Variants in KCNIP4 observed in about 807,000 individuals in gnomAD.
The protein encoded by KCNIP4 is Kv channel-interacting protein 4.
KCNIP4 carries 12 observed loss-of-function variants against 34.0 expected under a neutral mutation model. That is an observed-to-expected ratio of 0.35 (90% CI 0.23 to 0.57). KCNIP4 has a LOEUF of 0.57. Among genes scored for constraint, KCNIP4 ranks in the 20% least tolerant of loss-of-function variants. The pLI, the probability that KCNIP4 is intolerant of heterozygous loss-of-function variation, is 0.83. For missense variants in KCNIP4, 238 were observed against 311.7 expected, an observed-to-expected ratio of 0.76 and a Z score of 1.78; for synonymous variants, 124 against 102.2, an observed-to-expected ratio of 1.21 and a Z score of -1.29.
chr4:21,688,597 G>A (rs564369383), intron 1 of KCNIP4, among the ~76,000 whole-genome samples: 12 of 152,188 alleles, frequency 7.9e-5, no homozygotes, highest in African/African-American at 2.6e-4. Flanking sequence ...AATGAAGCAG[G>A]GTTCCAAGGA....
chr4:21,272,491 A>G (rs1762212755), intron 1 of KCNIP4, among the ~76,000 whole-genome samples: 1 of 152,176 alleles, frequency 6.6e-6, no homozygotes, highest in South Asian at 2.1e-4. Flanking sequence ...ACGGATAAGG[A>G]AATTGGCAGC....
intron 2 of KCNIP4, among the ~76,000 whole-genome samples, chr4:20,866,954 AG>A (rs1392380513): frequency 6.6e-6 from 1 of 152,064 alleles, no homozygotes; most frequent in East Asian, 1.9e-4. Context: ...CTCACCCAGG[AG>A]GTGAAAGATC....
chr4:21,127,834 C>G (rs1750742330), intron 1 of KCNIP4, among the ~76,000 whole-genome samples: 1 of 152,204 alleles, frequency 6.6e-6, no homozygotes, highest in Non-Finnish European at 1.5e-5. Flanking sequence ...TAATCAATCA[C>G]TTTTTGCTAA....
chr4:21,630,066 G>A (rs1577719901), intron 1 of KCNIP4, among the ~76,000 whole-genome samples: 1 of 139,250 alleles, frequency 7.2e-6, no homozygotes, highest in South Asian at 2.3e-4. Flanking sequence ...GTCTAGCTAT[G>A]TTTCCCAGGC....
intron 1 of KCNIP4, among the ~76,000 whole-genome samples, chr4:21,935,170 A>G (rs1052943459): frequency 6.6e-6 from 1 of 151,878 alleles, no homozygotes; most frequent in Non-Finnish European, 1.5e-5. Flanking sequence ...GACCAACCAC[A>G]ATGCCCCAAG....
chr4:21,190,527 G>A (rs566671878), intron 1 of KCNIP4, among the ~76,000 whole-genome samples: 11 of 151,554 alleles, frequency 7.3e-5, no homozygotes, highest in Non-Finnish European at 1.5e-4. Flanking sequence ...ACTGAGGGTG[G>A]GAGGGCAACT....
At position 21,456,461 on chromosome 4, in the gene KCNIP4, A is replaced by G. The variant is rs1023997812; in HGVS notation, c.61+492110T>C. Among the ~76,000 whole-genome samples, 52 of 148,256 alleles carry G rather than the reference A, an allele frequency of 3.5e-4. 6 individuals carry two copies. Among genetic ancestry groups the G allele is most frequent in the African/African-American group, 1.3e-3 (51 of 38,218 alleles). On this transcript the variant is annotated intron_variant, in intron 1 of 8. Transcript: ENST00000382152. ...GGTCCAATTTTTATCATATCAATGT[A>G]CTACCCACCTATATATTTTCTTAAT...
intron 1 of KCNIP4, among the ~76,000 whole-genome samples, chr4:21,608,260 C>A (rs1014155536): frequency 6.6e-5 from 10 of 152,136 alleles, no homozygotes; most frequent in African/African-American, 2.2e-4. Flanking sequence ...ACTGCCACGT[C>A]TTTATTTAGA....
chr4:20,958,339 G>A (rs1321920374), intron 1 of KCNIP4, among the ~76,000 whole-genome samples: 1 of 152,166 alleles, frequency 6.6e-6, no homozygotes, highest in Non-Finnish European at 1.5e-5. Context: ...AAAATGGGGT[G>A]CTTTATGGAT....
chr4:20,883,805 A>ATG (rs946559454), intron 1 of KCNIP4, among the ~76,000 whole-genome samples: 3 of 152,268 alleles, frequency 2.0e-5, no homozygotes, highest in African/African-American at 7.2e-5. Flanking sequence ...GCTAAAACTC[A>ATG]TGTGTGTGTG....
At chr4:21,294,730 C>A (rs1475933813) in intron 1 of KCNIP4, among the ~76,000 whole-genome samples, 4 of 152,126 alleles carry the variant, frequency 2.6e-5, no homozygotes, top group African/African-American at 9.7e-5. Flanking sequence ...CCTTCCTGGG[C>A]CTCAATTTAC....
At chr4:21,917,635 TG>T (rs77593304) in intron 1 of KCNIP4, among the ~76,000 whole-genome samples, 37,737 of 152,108 alleles carry the variant, frequency 0.25, 5,545 homozygotes, top group East Asian at 0.61. Flanking sequence ...GTGACCTTGT[TG>T]TGTCATTCTA....
chr4:21,181,512 GCATC>G (rs544807545), intron 1 of KCNIP4, among the ~76,000 whole-genome samples: 2 of 151,986 alleles, frequency 1.3e-5, no homozygotes, highest in African/African-American at 4.8e-5. Context: ...ATACGTTCAT[GCATC>G]CATCCATCCA....
chr4:21,929,922 G>A (rs192675045), intron 1 of KCNIP4, among the ~76,000 whole-genome samples: 1 of 152,148 alleles, frequency 6.6e-6, no homozygotes, highest in Non-Finnish European at 1.5e-5. Flanking sequence ...CTCCCTACAT[G>A]TTCCATCTCT....
At chr4:21,879,018 T>C (rs557059976) in intron 1 of KCNIP4, among the ~76,000 whole-genome samples, 59 of 152,286 alleles carry the variant, frequency 3.9e-4, no homozygotes, top group Non-Finnish European at 6.8e-4. Context: ...TAAAATATTG[T>C]TTTGTATCCT....
At chr4:21,388,179 A>T (rs1313130439) in intron 1 of KCNIP4, among the ~76,000 whole-genome samples, 4 of 150,598 alleles carry the variant, frequency 2.7e-5, no homozygotes, top group African/African-American at 1.0e-4. Context: ...TGAGTAAATT[A>T]TAACGGATTA....
chr4:21,839,106 T>C (rs1002217583), intron 1 of KCNIP4, among the ~76,000 whole-genome samples: 3 of 152,206 alleles, frequency 2.0e-5, no homozygotes, highest in Non-Finnish European at 4.4e-5. Flanking sequence ...CTCCATTTCA[T>C]TGAAATTTAT....
chr4:21,409,357 A>T (rs1266917948), intron 1 of KCNIP4, among the ~76,000 whole-genome samples: 1 of 151,986 alleles, frequency 6.6e-6, no homozygotes. Flanking sequence ...GCCTCAAGTG[A>T]TCCTCCCAAG....
At chr4:21,305,461 C>A (rs933372475) in intron 1 of KCNIP4, among the ~76,000 whole-genome samples, 1 of 152,194 alleles carries the variant, frequency 6.6e-6, no homozygotes, top group Admixed American at 6.5e-5. Context: ...TCACTACCAC[C>A]TCGGGTGCTT....
Sources: allele counts gnomAD v4.1 joint callset (sites outside exome capture counted in the v4.1 genomes callset), GRCh38; gene constraint gnomAD v4.1.1; transcripts MANE v1.5; gene names NCBI Gene and HGNC (gene_info 2026-07-23, HGNC 2026-07-21).